The following MEIS2 variants were observed in gnomAD, a reference collection of about 807,000 sequenced individuals.
MEIS2 encodes the protein homeobox protein Meis2.
A neutral mutation model predicts 58.6 loss-of-function variants in MEIS2; 9 were observed. That is an observed-to-expected ratio of 0.15 (90% CI 0.09 to 0.27). The LOEUF (loss-of-function observed/expected upper bound fraction) is 0.27, where lower values mean the gene tolerates loss of function less well. Among genes scored for constraint, MEIS2 ranks in the 10% least tolerant of loss-of-function variants. The pLI is 1.00. For synonymous variants in MEIS2, 221 were observed against 228.4 expected, an observed-to-expected ratio of 0.97 and a Z score of 0.29; for missense variants, 427 against 635.0, an observed-to-expected ratio of 0.67 and a Z score of 3.52.
chr15:36,910,227 T>C (rs1441217711), intron 9 of MEIS2, among the ~76,000 whole-genome samples: 1 of 152,098 alleles, frequency 6.6e-6, no homozygotes, highest in Non-Finnish European at 1.5e-5. Flanking sequence ...CAAAAAGCTT[T>C]TTAAAAATAT....
intron 6 of MEIS2, among the ~76,000 whole-genome samples, chr15:37,088,605 T>C (rs1473910272): frequency 6.6e-6 from 1 of 152,174 alleles, no homozygotes; most frequent in Non-Finnish European, 1.5e-5. Flanking sequence ...GAGACCTATG[T>C]GTGCTTTCAG....
At chr15:36,965,222 G>A (rs1054678589) in intron 8 of MEIS2, among the ~76,000 whole-genome samples, 3 of 152,026 alleles carry the variant, frequency 2.0e-5, no homozygotes, top group Non-Finnish European at 2.9e-5. Flanking sequence ...GAGAAACTTT[G>A]GATATGAAAA....
In MEIS2 at chr15:37,097,955, G is replaced by A. The variant is rs1367037475; in HGVS notation, c.245+12C>T. 6.3e-7 allele frequency: 1 copy of A among 1,576,406 alleles called. No individual in the cohort carries two copies. Among genetic ancestry groups the A allele is most frequent in the East Asian group, 2.3e-5 (1 of 44,322 alleles). ...TCACACACAGTAAGCTGGGTCCGGG[G>A]GGTCAGTTTACCCATAGATCGCGTC... On this transcript the variant is annotated intron_variant, in intron 2 of 11. Coordinates refer to ENST00000561208, the MANE Select transcript of MEIS2 (RefSeq NM_170675.5).
At chr15:37,018,870 G>A (rs2061432107) in intron 8 of MEIS2, among the ~76,000 whole-genome samples, 1 of 152,122 alleles carries the variant, frequency 6.6e-6, no homozygotes, top group Non-Finnish European at 1.5e-5. Context: ...AGGGAATGGA[G>A]AAGTCTGGAG....
chr15:37,034,344 G>T (rs1365294707), intron 8 of MEIS2, among the ~76,000 whole-genome samples: 1 of 152,184 alleles, frequency 6.6e-6, no homozygotes, highest in East Asian at 1.9e-4. Context: ...CATGAATGCA[G>T]ACTTCCCAAC....
Position 36,942,623 on chromosome 15 carries a change from T to C in MEIS2, c.977+7701A>G, listed in dbSNP as rs577592890. Among the ~76,000 whole-genome samples the C allele has an allele frequency of 1.7e-4, 26 of 152,282 alleles. No individual in the cohort carries two copies. The South Asian group carries it at 5.4e-3, about 32-fold the overall frequency. On this transcript the variant is annotated intron_variant, in intron 9 of 11. Coordinates refer to ENST00000561208, the MANE Select transcript of MEIS2 (RefSeq NM_170675.5). ...TAATTTTTAGAAGGCTGCTCTCCAG[T>C]GAATCAATGCATTGAATGAATGAGT... is the stretch of plus-strand genomic sequence containing the variant.
intron 2 of MEIS2, among the ~76,000 whole-genome samples, chr15:37,097,731 C>A (rs897597692): frequency 3.9e-5 from 6 of 152,124 alleles, no homozygotes; most frequent in Non-Finnish European, 8.8e-5. Context: ...TCACTCCAGG[C>A]TGTGGGGTCT....
At chr15:37,063,047 T>A (rs1889432517) in intron 7 of MEIS2, among the ~76,000 whole-genome samples, 1 of 152,184 alleles carries the variant, frequency 6.6e-6, no homozygotes, top group Non-Finnish European at 1.5e-5. Flanking sequence ...AGAGCTGATC[T>A]CCGTTACCAT....
chr15:36,892,150 C>T lies in MEIS2; in HGVS notation c.*23G>A, dbSNP rs764204187. ...TTAAAATAGTTTTTGCGTGTGTTTC[C>T]TTTTCCCTTGAGTTCCCTTATACTA... On this transcript the variant is annotated 3_prime_UTR_variant, in exon 12 of 12. Coordinates refer to ENST00000561208, the MANE Select transcript of MEIS2 (RefSeq NM_170675.5). 1 of 1,612,034 alleles carries T rather than the reference C, an allele frequency of 6.2e-7. No homozygotes were observed. The highest frequency in any genetic ancestry group is 2.2e-5 in the East Asian group (1 of 44,854).
At chr15:36,963,495 CT>C (rs2059258506) in intron 8 of MEIS2, among the ~76,000 whole-genome samples, 1 of 152,038 alleles carries the variant, frequency 6.6e-6, no homozygotes, top group East Asian at 1.9e-4. Context: ...AAAGGAAAGA[CT>C]TTGTCAGTTC....
Position 37,096,331 on chromosome 15 carries a change from G to A in MEIS2, c.345C>T (p.Ser115=). ...EPGVAGGDVC[S]SDSFNEDIAV... is the part of the protein sequence containing the mutation. The stretch of plus-strand genomic sequence containing the variant: ...CGATGTCCTCGTTGAAGGAGTCGGA[G>A]GAGCAGACGTCTCCGCCAGCCACTC... The change falls in exon 3 of 12, where the codon TCC becomes TCT. Residue 115 remains serine (S), a synonymous_variant. Coordinates refer to ENST00000561208, the MANE Select transcript of MEIS2 (RefSeq NM_170675.5). 1 of 1,613,628 alleles carries A rather than the reference G, an allele frequency of 6.2e-7. No individual in the cohort carries two copies. The highest frequency in any genetic ancestry group is 8.5e-7 in the Non-Finnish European group (1 of 1,179,752).
intron 9 of MEIS2, among the ~76,000 whole-genome samples, chr15:36,918,977 G>C (rs2057388787): frequency 6.6e-6 from 1 of 152,110 alleles, no homozygotes. Context: ...AAGATTTTAG[G>C]CCAGGCACAT....
chr15:37,085,444 T>C (rs562136884), intron 6 of MEIS2, among the ~76,000 whole-genome samples: 1 of 152,126 alleles, frequency 6.6e-6, no homozygotes, highest in Non-Finnish European at 1.5e-5. Context: ...GAGAAAAAAA[T>C]AGGGAAATGT....
intron 7 of MEIS2, among the ~76,000 whole-genome samples, chr15:37,069,483 C>G (rs933090765): frequency 1.3e-5 from 2 of 152,272 alleles, no homozygotes; most frequent in East Asian, 3.9e-4. Flanking sequence ...TACCACAAGC[C>G]TCTTCTTGGT....
intron 8 of MEIS2, among the ~76,000 whole-genome samples, chr15:37,017,489 T>C (rs2061387963): frequency 6.6e-6 from 1 of 152,090 alleles, no homozygotes; most frequent in South Asian, 2.1e-4. Context: ...GTCATGCCTG[T>C]AGTCCCAGCT....
intron 8 of MEIS2, among the ~76,000 whole-genome samples, chr15:37,022,408 TTTAAC>T (rs2061554820): frequency 6.6e-6 from 1 of 152,124 alleles, no homozygotes; most frequent in Admixed American, 6.5e-5. Flanking sequence ...AGCTAATTTA[TTTAAC>T]TTATTTTTAT....
chr15:37,050,852 T>C (rs2062888141), intron 7 of MEIS2: 1 of 152,126 alleles, frequency 6.6e-6, no homozygotes, highest in Non-Finnish European at 1.5e-5. Context: ...AGTGAAAGAG[T>C]GTGAGTGAAG....
chr15:37,020,945 T>TAGG (rs1366017512), intron 8 of MEIS2, among the ~76,000 whole-genome samples: 1 of 152,130 alleles, frequency 6.6e-6, no homozygotes, highest in Non-Finnish European at 1.5e-5. Flanking sequence ...ATAGGGCTTT[T>TAGG]AGGAGGTAAT....
At chr15:36,906,651 G>GAAAAAAAAAAAAA (rs56715244) in intron 9 of MEIS2, among the ~76,000 whole-genome samples, 1 of 96,554 alleles carries the variant, frequency 1.0e-5, no homozygotes, top group Non-Finnish European at 2.1e-5. Flanking sequence ...AGCCACTCAA[G>GAAAAAAAAAAAAA]AAAAAAAAAA....
Sources: allele counts gnomAD v4.1 joint callset (sites outside exome capture counted in the v4.1 genomes callset), GRCh38; gene constraint gnomAD v4.1.1; transcripts MANE v1.5; gene names NCBI Gene and HGNC (gene_info 2026-07-23, HGNC 2026-07-21).